The following HS6ST3 variants were observed in gnomAD, a reference collection of about 807,000 sequenced individuals.
HS6ST3 encodes heparan-sulfate 6-O-sulfotransferase 3.
HS6ST3 carries 12 observed loss-of-function variants against 36.7 expected under a neutral mutation model. The observed-to-expected ratio is 0.33, with a 90% confidence interval of 0.21 to 0.53. The LOEUF (loss-of-function observed/expected upper bound fraction) is 0.53. Among genes scored for constraint, HS6ST3 ranks in the 20% least tolerant of loss-of-function variants. The probability of loss-of-function intolerance (pLI) is 0.95; values close to 1 mark genes in which losing one functional copy is unlikely to be tolerated. For missense variants in HS6ST3, 584 were observed against 640.9 expected, an observed-to-expected ratio of 0.91 and a Z score of 0.96; for synonymous variants, 240 against 257.5, an observed-to-expected ratio of 0.93 and a Z score of 0.65.
chr13:96,568,509 G>A lies in HS6ST3; in HGVS notation c.708-263981G>A, dbSNP rs543550730. On this transcript the variant is annotated intron_variant, in intron 1 of 1. Coordinates refer to ENST00000376705, the MANE Select transcript of HS6ST3 (RefSeq NM_153456.4). ...CCTGACCTCGTGATCTGCCCGCCTC[G>A]GCCTCCCAAAGTGCTGGGATTACAG... is the stretch of plus-strand genomic sequence containing the variant. 5.3e-4 allele frequency among the ~76,000 whole-genome samples: 81 copies of A among 152,132 alleles called. 1 individual carries two copies. The highest frequency in any genetic ancestry group is 1.9e-4 in the Non-Finnish European group (13 of 67,998).
At chr13:96,591,055 G>GTTT (rs58622082) in intron 1 of HS6ST3, among the ~76,000 whole-genome samples, 1 of 140,728 alleles carries the variant, frequency 7.1e-6, no homozygotes. Context: ...CTAGATGTCT[G>GTTT]TTTTTTTTTT....
At chr13:96,802,932 C>A (rs1208381778) in intron 1 of HS6ST3, among the ~76,000 whole-genome samples, 2 of 152,168 alleles carry the variant, frequency 1.3e-5, no homozygotes, top group Non-Finnish European at 2.9e-5. Flanking sequence ...TTCAGTTGTG[C>A]TGCAGATCAC....
intron 1 of HS6ST3, among the ~76,000 whole-genome samples, chr13:96,461,329 T>C (rs923662912): frequency 1.3e-5 from 2 of 152,190 alleles, no homozygotes; most frequent in African/African-American, 4.8e-5. Flanking sequence ...TATAATGTAT[T>C]ATAAGAAGAA....
At chr13:96,130,341 A>C (rs11842755) in intron 1 of HS6ST3, among the ~76,000 whole-genome samples, 61,102 of 151,880 alleles carry the variant, frequency 0.4, 12,534 homozygotes, top group Middle Eastern at 0.44. Flanking sequence ...TTAACCCTTT[A>C]AGAGACAGTG....
chr13:96,665,118 G>A (rs913084746), intron 1 of HS6ST3, among the ~76,000 whole-genome samples: 15 of 152,160 alleles, frequency 9.9e-5, no homozygotes, highest in African/African-American at 3.6e-4. Context: ...GCTGCAGTGA[G>A]CTGTGATCAT....
At chr13:96,599,019 C>T (rs2056412156) in intron 1 of HS6ST3, among the ~76,000 whole-genome samples, 1 of 152,110 alleles carries the variant, frequency 6.6e-6, no homozygotes, top group Non-Finnish European at 1.5e-5. Context: ...ATGAAACGTA[C>T]TTGATTCTGG....
rs117323935 is a variant in HS6ST3 at position 96,492,521 on chromosome 13, T to C, written c.708-339969T>C. 5.3e-4 allele frequency among the ~76,000 whole-genome samples: 81 copies of C among 152,338 alleles called. No homozygotes were observed. In the East Asian group the frequency reaches 8.7e-3, roughly 16 times the overall value. ...GTACTTTGCCTTGCCAGGCATCCTA[T>C]CTCTCTCTCCTTCCTTGCAGAAATG... On this transcript the variant is annotated intron_variant, in intron 1 of 1. Coordinates refer to ENST00000376705, the MANE Select transcript of HS6ST3 (RefSeq NM_153456.4).
intron 1 of HS6ST3, among the ~76,000 whole-genome samples, chr13:96,691,271 G>A (rs954510881): frequency 6.6e-6 from 1 of 152,070 alleles, no homozygotes; most frequent in African/African-American, 2.4e-5. Context: ...CTGAAGATAA[G>A]GGATTTAAAC....
intron 1 of HS6ST3, among the ~76,000 whole-genome samples, chr13:96,756,059 C>G (rs1202079429): frequency 6.6e-6 from 1 of 152,172 alleles, no homozygotes; most frequent in Non-Finnish European, 1.5e-5. Context: ...TTAGCTTACA[C>G]TTCCCTGTTT....
intron 1 of HS6ST3, among the ~76,000 whole-genome samples, chr13:96,388,385 T>C (rs1045710799): frequency 6.6e-6 from 1 of 152,210 alleles, no homozygotes; most frequent in Non-Finnish European, 1.5e-5. Context: ...ATATTCTTCA[T>C]GAAAATGCTA....
At chr13:96,725,570 CATTT>C (rs1594845744) in intron 1 of HS6ST3, among the ~76,000 whole-genome samples, 2 of 152,050 alleles carry the variant, frequency 1.3e-5, no homozygotes, top group East Asian at 3.9e-4. Flanking sequence ...GATAGAAGTT[CATTT>C]ATTTACTTAT....
chr13:96,202,497 G>A (rs1020255526), intron 1 of HS6ST3, among the ~76,000 whole-genome samples: 8 of 152,090 alleles, frequency 5.3e-5, no homozygotes, highest in Non-Finnish European at 7.4e-5. Context: ...CCACCATGCC[G>A]TGGCTTCCTG....
chr13:96,161,891 T>C (rs1039783248), intron 1 of HS6ST3, among the ~76,000 whole-genome samples: 5 of 152,176 alleles, frequency 3.3e-5, no homozygotes, highest in African/African-American at 1.2e-4. Flanking sequence ...CACAAGGATT[T>C]GCTCCCAAGG....
intron 1 of HS6ST3, among the ~76,000 whole-genome samples, chr13:96,379,026 C>T (rs56025108): frequency 0.029 from 4,459 of 152,246 alleles, 108 homozygotes; most frequent in Non-Finnish European, 0.047. Flanking sequence ...ATTGATTTAG[C>T]TTGTGCATAT....
chr13:96,615,954 C>A (rs1362381023), intron 1 of HS6ST3, among the ~76,000 whole-genome samples: 3 of 152,118 alleles, frequency 2.0e-5, no homozygotes, highest in African/African-American at 4.8e-5. Context: ...AACTTTCCTA[C>A]TAACAATTTA....
chr13:96,428,356 CAA>C (rs1447193607), intron 1 of HS6ST3, among the ~76,000 whole-genome samples: 1 of 152,012 alleles, frequency 6.6e-6, no homozygotes, highest in Non-Finnish European at 1.5e-5. Context: ...AAAAAACAAA[CAA>C]AAAAAGTATC....
chr13:96,149,706 A>G (rs1431754091), intron 1 of HS6ST3, among the ~76,000 whole-genome samples: 1 of 152,228 alleles, frequency 6.6e-6, no homozygotes, highest in Non-Finnish European at 1.5e-5. Context: ...TGAAAATTTT[A>G]TGTCCATGAC....
chr13:96,441,422 A>G (rs998847273), intron 1 of HS6ST3, among the ~76,000 whole-genome samples: 5 of 152,070 alleles, frequency 3.3e-5, no homozygotes. Flanking sequence ...TCACTGGCTC[A>G]CCCTAAAGTC....
At chr13:96,694,315 G>C (rs1875059901) in intron 1 of HS6ST3, among the ~76,000 whole-genome samples, 1 of 152,074 alleles carries the variant, frequency 6.6e-6, no homozygotes, top group Admixed American at 6.6e-5. Flanking sequence ...GCCTCCAGCT[G>C]TATCCATGTT....
Sources: gnomAD v4.1 joint callset for allele counts (sites outside exome capture counted in the v4.1 genomes callset) on GRCh38, gnomAD v4.1.1 for gene constraint, MANE v1.5 for transcripts, NCBI Gene and HGNC (gene_info 2026-07-23, HGNC 2026-07-21) for gene names.